The following CAMKK1 variants were observed in gnomAD, a reference collection of about 807,000 sequenced individuals.
CAMKK1 encodes the protein calcium/calmodulin dependent protein kinase kinase 1, also known as calcium/calmodulin-dependent protein kinase kinase 1.
Under a neutral mutation model 63.5 loss-of-function variants are expected in CAMKK1, and 20 were observed. That is an observed-to-expected ratio of 0.32 (90% CI 0.22 to 0.46). The LOEUF is 0.46. Ranked by LOEUF, CAMKK1 falls within the 20% of genes least tolerant of loss-of-function variation. The pLI, the probability that CAMKK1 is intolerant of heterozygous loss-of-function variation, is 1.00. For missense variants in CAMKK1, 588 were observed against 658.1 expected (o/e 0.89, Z 1.17); for synonymous variants, 253 against 269.0 (o/e 0.94, Z 0.58).
At chr17:3,888,567 G>A (rs1320951549) in intron 1 of CAMKK1, among the ~76,000 whole-genome samples, 1 of 152,236 alleles carries the variant, frequency 6.6e-6, no homozygotes. Context: ...AGGAGGGAAC[G>A]CCCGTAAGGC....
In CAMKK1 at chr17:3,861,211, C is replaced by T. The variant is rs2042247628; in HGVS notation, c.*1000G>A. On this transcript the variant is annotated 3_prime_UTR_variant, in exon 16 of 16. Coordinates refer to ENST00000348335, the MANE Select transcript of CAMKK1 (RefSeq NM_032294.3). Reference sequence around the variant, plus strand: ...GATCCCTCCGACCTGGACAGTTTGTCCTTCGTTGTAGGAGTGTGAGTGCAG... The same window carrying T: ...GATCCCTCCGACCTGGACAGTTTGTTCTTCGTTGTAGGAGTGTGAGTGCAG... The T allele has an allele frequency of 6.6e-6, 1 of 152,322 alleles. No individual in the cohort carries two copies. Among genetic ancestry groups the T allele is most frequent in the South Asian group, 2.1e-4 (1 of 4,836 alleles). 9.4% of individuals were successfully genotyped at this position (152,322 alleles called of 1,614,324 possible).
rs1401887032 is a variant in CAMKK1, at chr17:3,890,725, T to C, written c.-44+2214A>G. On this transcript the variant is annotated intron_variant, in intron 1 of 15. Transcript: ENST00000348335. The surrounding 1 kb of genome is among the most constrained non-coding windows in gnomAD (Gnocchi z 6.5). Reference sequence around the variant, plus strand: ...TGCAGCCACACCACAGCTTCCCAAATTGCATACTCTGTTCTGCTGCCAGGC... The same window carrying C: ...TGCAGCCACACCACAGCTTCCCAAACTGCATACTCTGTTCTGCTGCCAGGC... 7.7e-6 allele frequency: 6 copies of C among 779,606 alleles called. No individual in the cohort carries two copies. Among genetic ancestry groups the C allele is most frequent in the South Asian group, 5.4e-5 (4 of 74,614 alleles). 48.3% of individuals were successfully genotyped at this position (779,606 alleles called of 1,614,324 possible). A position where few individuals can be genotyped will look rare whatever the true frequency, so the allele number is the denominator to read the frequency against.
chr17:3,890,851 C>G lies in CAMKK1; in HGVS notation c.-44+2088G>C. The G allele has an allele frequency of 4.0e-6, 3 of 754,946 alleles. No individual in the cohort carries two copies. Among genetic ancestry groups the G allele is most frequent in the Middle Eastern group, 2.3e-4 (1 of 4,378 alleles). The allele number at this position is 754,946 out of a possible 1,614,324, so 46.8% of individuals were successfully genotyped here. A position where few individuals can be genotyped will look rare whatever the true frequency, so the allele number is the denominator to read the frequency against. On this transcript the variant is annotated intron_variant, in intron 1 of 15. Coordinates refer to ENST00000348335, the MANE Select transcript of CAMKK1 (RefSeq NM_032294.3). This position sits in a 1 kb window ranked among gnomAD's most constrained non-coding sequence, Gnocchi z 6.5. ...CCTCTTCTGAGCCCTCCTTGATCTC[C>G]CCACTACCTGCTGGGTGAGCTCACC...
rs997606225 is a variant in CAMKK1, at chr17:3,883,812, C to T, written c.462+72G>A. On this transcript the variant is annotated intron_variant, in intron 4 of 15. Transcript: ENST00000348335. The surrounding 1 kb of genome is among the most constrained non-coding windows in gnomAD (Gnocchi z 4.7). Reference sequence around the variant, plus strand: ...AGCCCTGTCCTCTATCTCCTAAGCACAACTCCTGCCCCACCCCTCAGGCTT... The same window carrying T: ...AGCCCTGTCCTCTATCTCCTAAGCATAACTCCTGCCCCACCCCTCAGGCTT... 2 of 1,503,512 alleles carry T rather than the reference C, an allele frequency of 1.3e-6. No homozygotes were observed. Among genetic ancestry groups the T allele is most frequent in the Non-Finnish European group, 1.8e-6 (2 of 1,081,920 alleles). 93.1% of individuals were successfully genotyped at this position (1,503,512 alleles called of 1,614,324 possible).
rs1029446494 is a variant in CAMKK1, at chr17:3,885,246, T to C, written c.360+82A>G. On this transcript the variant is annotated intron_variant, in intron 2 of 15. Coordinates refer to ENST00000348335, the MANE Select transcript of CAMKK1 (RefSeq NM_032294.3). Reference sequence around the variant, plus strand: ...TGCAAACCAAAGCTAGATAGCCGTGTGGCACAGACAGGGGCAGGAAAGAGT... The same window carrying C: ...TGCAAACCAAAGCTAGATAGCCGTGCGGCACAGACAGGGGCAGGAAAGAGT... 35 of 1,422,532 alleles carry C rather than the reference T, an allele frequency of 2.5e-5. No homozygotes were observed. The African/African-American group carries it at 4.5e-4, about 18-fold the overall frequency. The allele number at this position is 1,422,532 out of a possible 1,614,324, so 88.1% of individuals were successfully genotyped here. A position where few individuals can be genotyped will look rare whatever the true frequency, so the allele number is the denominator to read the frequency against.
At chr17:3,872,962 C>T (rs188119728) in intron 11 of CAMKK1, among the ~76,000 whole-genome samples, 1 of 152,324 alleles carries the variant, frequency 6.6e-6, no homozygotes, top group African/African-American at 2.4e-5. Context: ...CTGAAATTCC[C>T]CCCTGCCCCT....
At chr17:3,868,620 G>A (rs1035373380) in intron 14 of CAMKK1, among the ~76,000 whole-genome samples, 14 of 152,170 alleles carry the variant, frequency 9.2e-5, no homozygotes, top group South Asian at 2.1e-4. Flanking sequence ...TTCCAGTCAC[G>A]GTGACTGCTG....
rs2055146663 is a variant in CAMKK1, at chr17:3,876,239, T to C, written c.980A>G (p.Gln327Arg). ...GCGAGTCACCTTCCCACTGAAGCTC[T>C]GGCCGGAATCAGAAATGGCCTCGGG... ...MAPEAISDSGQSFSGKALDVW... is the reference protein window; with the variant it reads ...MAPEAISDSGRSFSGKALDVW... The change falls in exon 10 of 16, where the codon CAG becomes CGG. Residue 327 changes from glutamine (Q) to arginine (R), a missense_variant. Around this residue, in one of 3 missense-constraint regions of CAMKK1, gnomAD observed 226 missense variants for 229.2 expected, o/e 0.99. Coordinates refer to ENST00000348335, the MANE Select transcript of CAMKK1 (RefSeq NM_032294.3). 1.2e-6 allele frequency: 2 copies of C among 1,614,110 alleles called. No individual in the cohort carries two copies. The highest frequency in any genetic ancestry group is 2.7e-5 in the African/African-American group (2 of 75,062).
chr17:3,882,020 G>A lies in CAMKK1; in HGVS notation c.686-372C>T. 1.9e-6 allele frequency: 1 copy of A among 527,726 alleles called. No individual in the cohort carries two copies. The highest frequency in any genetic ancestry group is 3.3e-6 in the Non-Finnish European group (1 of 299,758). The allele number at this position is 527,726 out of a possible 1,614,324, so 32.7% of individuals were successfully genotyped here. A position where few individuals can be genotyped will look rare whatever the true frequency, so the allele number is the denominator to read the frequency against. ...TAATTCCTAAGCCAGTTCTTCTTCT[G>A]CCCCATTTTCTGAGGCCTCCTCTAA... On this transcript the variant is annotated intron_variant, in intron 7 of 15. Transcript: ENST00000348335. This position sits in a 1 kb window ranked among gnomAD's most constrained non-coding sequence, Gnocchi z 4.3.
In CAMKK1 at chr17:3,882,970, G is replaced by A; in HGVS notation, c.648+72C>T. On this transcript the variant is annotated intron_variant, in intron 6 of 15. Transcript: ENST00000348335. The surrounding 1 kb of genome is among the most constrained non-coding windows in gnomAD (Gnocchi z 4.3). The stretch of plus-strand genomic sequence containing the variant: ...CAAGATCCCTGGGTCTGTGCTAGGG[G>A]CTCCCCAGCACCAGAAGCGGCTCCC... 1 of 1,570,174 alleles carries A rather than the reference G, an allele frequency of 6.4e-7. No individual in the cohort carries two copies. The highest frequency in any genetic ancestry group is 8.7e-7 in the Non-Finnish European group (1 of 1,150,806).
chr17:3,876,103 C>T lies in CAMKK1; in HGVS notation c.996+120G>A, dbSNP rs2055137792. 2.3e-5 allele frequency: 22 copies of T among 944,822 alleles called. No individual in the cohort carries two copies. In the South Asian group the frequency reaches 3.8e-4, roughly 16 times the overall value. 58.5% of individuals were successfully genotyped at this position (944,822 alleles called of 1,614,324 possible). On this transcript the variant is annotated intron_variant, in intron 10 of 15. Coordinates refer to ENST00000348335, the MANE Select transcript of CAMKK1 (RefSeq NM_032294.3). ...AGTTTGTCAGGCTCCAAGGAAGAGGCAAATATGTCACTCCCTAGACACAAA... is the reference window on the plus strand; with the variant it reads ...AGTTTGTCAGGCTCCAAGGAAGAGGTAAATATGTCACTCCCTAGACACAAA...
At chr17:3,891,813 G>T (rs924140401) in intron 1 of CAMKK1, among the ~76,000 whole-genome samples, 1 of 152,156 alleles carries the variant, frequency 6.6e-6, no homozygotes, top group African/African-American at 2.4e-5. Context: ...CTCCGGGCTT[G>T]GTTTGGGGGT....
At position 3,883,112 on chromosome 17, in the gene CAMKK1, A is replaced by G. The variant is rs1438434326; in HGVS notation, c.578T>C (p.Leu193Pro). The G allele has an allele frequency of 6.8e-6, 11 of 1,613,448 alleles. No homozygotes were observed. The highest frequency in any genetic ancestry group is 9.3e-6 in the Non-Finnish European group (11 of 1,179,948). Reference protein sequence around the residue: ...QGGPAKQLLPLERVYQEIAIL... With the variant: ...QGGPAKQLLPPERVYQEIAIL... The stretch of plus-strand genomic sequence containing the variant: ...GGCAATCTCCTGGTACACCCGCTCC[A>G]GGGGCAGCAGCTGCTTGGCTGGTCC... The change falls in exon 6 of 16, where the codon CTG becomes CCG. Residue 193 changes from leucine (L) to proline (P), a missense_variant. Leu to Pro is a moderately conservative substitution (Grantham distance 98). Transcript: ENST00000348335. This position sits in a 1 kb window ranked among gnomAD's most constrained non-coding sequence, Gnocchi z 4.7.
At chr17:3,872,770 TAAATGTTCAAC>T (rs935457787) in intron 11 of CAMKK1, 143 bp from the exon 12 acceptor site, 2 of 660,724 alleles carry the variant, frequency 3.0e-6, no homozygotes, top group Non-Finnish European at 5.5e-6. Context: ...ACTCACACTG[TAAATGTTCAAC>T]AAATGTTGAC....
intron 14 of CAMKK1, among the ~76,000 whole-genome samples, chr17:3,867,115 T>C (rs780802440): frequency 1.3e-5 from 2 of 151,660 alleles, no homozygotes; most frequent in Non-Finnish European, 2.9e-5. Context: ...AAGGAAAAAA[T>C]AAAACAAGGG....
rs886245487 is a variant in CAMKK1 at position 3,889,357 on chromosome 17, T to A, written c.-44+3582A>T. On this transcript the variant is annotated intron_variant, in intron 1 of 15. Coordinates refer to ENST00000348335, the MANE Select transcript of CAMKK1 (RefSeq NM_032294.3). The surrounding 1 kb of genome is among the most constrained non-coding windows in gnomAD (Gnocchi z 5.2). ...ACCAGGCCCATGGTACAGCGAAGGA[T>A]TCCTGTGGGCATGGGCACTGGCTTA... Among the ~76,000 whole-genome samples the A allele has an allele frequency of 1.3e-5, 2 of 151,996 alleles. No homozygotes were observed. Among genetic ancestry groups the A allele is most frequent in the African/African-American group, 4.8e-5 (2 of 41,378 alleles).
chr17:3,863,168 C>T (rs956776365), intron 15 of CAMKK1, among the ~76,000 whole-genome samples: 12 of 152,200 alleles, frequency 7.9e-5, no homozygotes, highest in Non-Finnish European at 4.4e-5. Flanking sequence ...CCACTTAACT[C>T]TACTACTGAG....
At chr17:3,886,472 A>G (rs1028086924) in intron 1 of CAMKK1, among the ~76,000 whole-genome samples, 5 of 152,150 alleles carry the variant, frequency 3.3e-5, no homozygotes, top group Non-Finnish European at 7.4e-5. Flanking sequence ...TCTCTATTAA[A>G]AATACAAAAA....
At chr17:3,869,411 A>C (rs996350073) in intron 14 of CAMKK1, 76 bp downstream of exon 14, 1 of 1,577,930 alleles carries the variant, frequency 6.3e-7, no homozygotes, top group Non-Finnish European at 8.6e-7. Context: ...TGTCCCCCCA[A>C]GGAGCCAGGC....
Sources: allele counts gnomAD v4.1 joint callset (sites outside exome capture counted in the v4.1 genomes callset), GRCh38; gene constraint gnomAD v4.1.1; regional missense constraint gnomAD v4.1.1; non-coding constraint Gnocchi (gnomAD v3.1); transcripts MANE v1.5; gene names NCBI Gene and HGNC (gene_info 2026-07-23, HGNC 2026-07-21).